UNC79: variants seen among roughly 807,000 people sequenced by gnomAD.
The protein encoded by UNC79 is protein unc-79 homolog.
In UNC79, 37 loss-of-function variants were observed where a neutral mutation model predicts 283.1. The observed-to-expected ratio is 0.13, with a 90% confidence interval of 0.10 to 0.17. The LOEUF (loss-of-function observed/expected upper bound fraction) is 0.17. UNC79 is among the 10% of genes least tolerant of loss of function. The pLI, the probability that UNC79 is intolerant of heterozygous loss-of-function variation, is 1.00. For synonymous variants in UNC79, 1,107 were observed against 1,200.2 expected (o/e 0.92, Z 1.61); for missense variants, 2,272 against 3,211.1 (o/e 0.71, Z 7.07).
intron 12 of UNC79, among the ~76,000 whole-genome samples, chr14:93,540,266 T>G (rs2061313158): frequency 6.6e-6 from 1 of 152,256 alleles, no homozygotes; most frequent in African/African-American, 2.4e-5. Context: ...GGGCACAAGC[T>G]CCTCAACCTT....
chr14:93,561,944 G>T (rs2062584319), intron 14 of UNC79, among the ~76,000 whole-genome samples: 1 of 152,180 alleles, frequency 6.6e-6, no homozygotes, highest in African/African-American at 2.4e-5. Flanking sequence ...AAGTAGTGGG[G>T]GTGACTGCAT....
At chr14:93,357,707 A>ATATATATATATAGATATATGGATG (rs2054119128) in intron 1 of UNC79, among the ~76,000 whole-genome samples, 1 of 122,508 alleles carries the variant, frequency 8.2e-6, no homozygotes, top group Non-Finnish European at 1.7e-5. Flanking sequence ...ATATATATAT[A>ATATATATATATAGATATATGGATG]TATATATATA....
chr14:93,615,548 C>T (rs1325232736), intron 27 of UNC79, among the ~76,000 whole-genome samples: 1 of 150,992 alleles, frequency 6.6e-6, no homozygotes. Context: ...ATGGTGAAAC[C>T]CTGTCTCTAC....
chr14:93,385,778 A>G (rs563999525), intron 1 of UNC79, among the ~76,000 whole-genome samples: 12 of 146,532 alleles, frequency 8.2e-5, no homozygotes, highest in Non-Finnish European at 1.4e-4. Flanking sequence ...GACTGTCCCC[A>G]AAAAAAAAAA....
intron 1 of UNC79, among the ~76,000 whole-genome samples, chr14:93,435,036 A>C (rs2056029593): frequency 6.6e-6 from 1 of 152,214 alleles, no homozygotes; most frequent in Admixed American, 6.5e-5. Context: ...AGGGCCATGC[A>C]TGGAGAAATC....
intron 4 of UNC79, among the ~76,000 whole-genome samples, chr14:93,480,598 G>A (rs960115945): frequency 5.3e-5 from 8 of 152,104 alleles, no homozygotes; most frequent in South Asian, 2.1e-4. Flanking sequence ...AGCCAAATTC[G>A]ATTACACCAT....
At chr14:93,634,476 G>A (rs773062137) in intron 31 of UNC79, 45 bp from the exon 34 acceptor site, 9 of 1,432,022 alleles carry the variant, frequency 6.3e-6, no homozygotes, top group Admixed American at 3.4e-5. Flanking sequence ...TTTGTGTGCT[G>A]TGGAAATTTA....
chr14:93,480,367 C>T (rs771536077), intron 4 of UNC79, among the ~76,000 whole-genome samples: 3 of 152,010 alleles, frequency 2.0e-5, no homozygotes, highest in East Asian at 1.9e-4. Context: ...TTACTTCTGG[C>T]GTACTAATTC....
At chr14:93,622,172 G>A in exon 30 of UNC79, 2 of 1,614,120 alleles carry the variant, frequency 1.2e-6, no homozygotes, top group Non-Finnish European at 1.7e-6. Flanking sequence ...CGAGAGTGAC[G>A]AAGAAGAGGA....
rs572487213 is a variant in UNC79 at position 93,341,360 on chromosome 14, G to C, written c.-351+7837G>C. Among the ~76,000 whole-genome samples the C allele has an allele frequency of 2.2e-3, 328 of 152,208 alleles. 1 individual carries two copies. The highest frequency in any genetic ancestry group is 7.6e-3 in the African/African-American group (314 of 41,518). On this transcript the variant is annotated intron_variant, in intron 1 of 49. Transcript: ENST00000256339. ...TAATCCCAGCTACTCAGGCGGCTGA[G>C]ACAGGAGAATCGCTTGAACTTGGGA...
At chr14:93,436,334 A>G (rs961702968) in intron 1 of UNC79, among the ~76,000 whole-genome samples, 1 of 152,206 alleles carries the variant, frequency 6.6e-6, no homozygotes, top group Non-Finnish European at 1.5e-5. Context: ...GCTAAATCAA[A>G]TGTTACAGTA....
At chr14:93,362,072 C>T (rs1381037908) in intron 1 of UNC79, among the ~76,000 whole-genome samples, 1 of 152,082 alleles carries the variant, frequency 6.6e-6, no homozygotes, top group Admixed American at 6.6e-5. Context: ...TTTGGGTGTG[C>T]TGCTAGATTT....
At chr14:93,705,412 C>T (rs1441610941) in intron 48 of UNC79, among the ~76,000 whole-genome samples, 4 of 145,452 alleles carry the variant, frequency 2.8e-5, no homozygotes, top group Non-Finnish European at 6.0e-5. Context: ...TACCTAGGCA[C>T]ATTCAGTGAT....
intron 1 of UNC79, among the ~76,000 whole-genome samples, chr14:93,361,877 AGTTT>A (rs1362683936): frequency 6.6e-6 from 1 of 152,168 alleles, no homozygotes; most frequent in Non-Finnish European, 1.5e-5. Flanking sequence ...TTCAATACCT[AGTTT>A]GTTGAGGATA....
Position 93,423,645 on chromosome 14 carries a change from A to AT in UNC79, c.-350-44026_-350-44025insT, listed in dbSNP as rs35126741. On this transcript the variant is annotated intron_variant, in intron 1 of 49. Transcript: ENST00000256339. ...AGTCTCTTCAATAAATGGTGCTTGG[A>AT]AAACTGGATGTCCATATGTGAAAGA... Among the ~76,000 whole-genome samples, 673 of 152,352 alleles carry AT rather than the reference A, an allele frequency of 4.4e-3. 4 individuals carry two copies. Among genetic ancestry groups the AT allele is most frequent in the Non-Finnish European group, 7.6e-3 (516 of 68,038 alleles).
intron 14 of UNC79, among the ~76,000 whole-genome samples, chr14:93,568,022 G>A (rs1254869540): frequency 2.6e-5 from 4 of 152,154 alleles, no homozygotes; most frequent in African/African-American, 7.2e-5. Flanking sequence ...CTTTCCAAAG[G>A]AGGCAGTCAG....
At chr14:93,340,441 C>CA (rs1193751068) in intron 1 of UNC79, among the ~76,000 whole-genome samples, 7,784 of 63,802 alleles carry the variant, frequency 0.12, 398 homozygotes, top group Admixed American at 0.17. Context: ...AACGCTGTCT[C>CA]AAAAAAAAAA....
intron 1 of UNC79, among the ~76,000 whole-genome samples, chr14:93,335,214 A>G (rs1214678740): frequency 6.6e-6 from 1 of 152,244 alleles, no homozygotes; most frequent in Non-Finnish European, 1.5e-5. Context: ...TCTAGAAACC[A>G]TTTGTAAGTG....
intron 7 of UNC79, among the ~76,000 whole-genome samples, chr14:93,507,701 A>C (rs2059615071): frequency 6.6e-6 from 1 of 152,140 alleles, no homozygotes; most frequent in Non-Finnish European, 1.5e-5. Context: ...TTTGATGAGC[A>C]TGAGTTTTTA....
Sources: gnomAD v4.1 joint callset for allele counts (sites outside exome capture counted in the v4.1 genomes callset) on GRCh38, gnomAD v4.1.1 for gene constraint, MANE v1.5 for transcripts, NCBI Gene and HGNC (gene_info 2026-07-23, HGNC 2026-07-21) for gene names.